The following HLA-DPA1 variants were observed in gnomAD, a reference collection of about 807,000 sequenced individuals.
The protein encoded by HLA-DPA1 is major histocompatibility complex, class II, DP alpha 1, also known as HLA class II histocompatibility antigen, DP alpha 1 chain.
HLA-DPA1 carries 20 observed loss-of-function variants against 21.5 expected under a neutral mutation model. The observed-to-expected ratio is 0.93, with a 90% CI of 0.66 to 1.35. HLA-DPA1 has a LOEUF of 1.35. HLA-DPA1 is among the 40% of genes most tolerant of loss of function. The pLI is 0.00. For synonymous variants in HLA-DPA1, 123 were observed against 129.6 expected (o/e 0.95, Z 0.35); for missense variants, 279 against 323.0 (o/e 0.86, Z 1.05).
chr6:33,069,158 G>A (rs763519010), exon 4 of HLA-DPA1: 78 of 1,612,888 alleles, frequency 4.8e-5, no homozygotes, highest in Non-Finnish European at 6.4e-5. Flanking sequence ...GGCTCTCAGC[G>A]ACACCCTCAG....
At chr6:33,073,783 G>T (rs1310041399) in intron 1 of HLA-DPA1, 134 bp from the exon 1 acceptor site, 2 of 527,180 alleles carry the variant, frequency 3.8e-6, no homozygotes, top group Non-Finnish European at 6.7e-6. Flanking sequence ...CTGGGGAAGA[G>T]ATGGGAGAAT....
intron 5 of HLA-DPA1, chr6:33,065,589 A>G (rs572969732): frequency 2.0e-5 from 3 of 152,358 alleles, no homozygotes; most frequent in African/African-American, 7.2e-5. Flanking sequence ...GCCATCCCAC[A>G]TGCTTCATGT....
intron 5 of HLA-DPA1, chr6:33,067,153 A>G (rs72867701): frequency 0.29 from 43,864 of 151,920 alleles, 8,351 homozygotes; most frequent in East Asian, 0.69. Context: ...GAGAACCAGG[A>G]ATGATCCAGG....
chr6:33,075,903 C>A (rs889141604), intron 1 of HLA-DPA1: 1 of 640,494 alleles, frequency 1.6e-6, no homozygotes, highest in African/African-American at 1.8e-5. Flanking sequence ...TGGTTCTTTT[C>A]TCAGACTCTG....
At position 33,080,306 on chromosome 6, in the gene HLA-DPA1, C is replaced by T. The variant is rs990433552; in HGVS notation, c.-100+374G>A. 24 of 433,672 alleles carry T rather than the reference C, an allele frequency of 5.5e-5. No individual in the cohort carries two copies. The highest frequency in any genetic ancestry group is 4.7e-4 in the African/African-American group (23 of 49,240). The allele number at this position is 433,672 out of a possible 1,614,324, so 26.9% of individuals were successfully genotyped here. A position where few individuals can be genotyped will look rare whatever the true frequency, so the allele number is the denominator to read the frequency against. On this transcript the variant is annotated intron_variant, in intron 1 of 5. Coordinates refer to ENST00000419277, the Ensembl canonical transcript of HLA-DPA1. This position sits in a 1 kb window ranked among gnomAD's most constrained non-coding sequence, Gnocchi z 4.3. ...TAAGTAGGGGGAGCAGCTCCGCCCT[C>T]CACGTCCCCAGCTCCTCCCGCCCCT...
At chr6:33,076,847 C>T (rs1391807439) in intron 1 of HLA-DPA1, among the ~76,000 whole-genome samples, 1 of 152,060 alleles carries the variant, frequency 6.6e-6, no homozygotes, top group Non-Finnish European at 1.5e-5. Flanking sequence ...TTCCTGCTGC[C>T]TCCCTGTGGC....
intron 3 of HLA-DPA1, 139 bp downstream of exon 2, chr6:33,069,502 A>G (rs34562515): frequency 0.19 from 220,510 of 1,154,644 alleles, 30,614 homozygotes; most frequent in East Asian, 0.63. Context: ...CCCTTGCTGT[A>G]GTGGGATCAG....
At chr6:33,079,450 C>T (rs1015005188) in intron 1 of HLA-DPA1, 1 of 244,114 alleles carries the variant, frequency 4.1e-6, no homozygotes, top group African/African-American at 2.3e-5. Context: ...TCCTCCACAT[C>T]ATGGCCTCCC....
intron 1 of HLA-DPA1, among the ~76,000 whole-genome samples, chr6:33,076,874 C>A (rs887399574): frequency 6.6e-6 from 1 of 152,050 alleles, no homozygotes; most frequent in Non-Finnish European, 1.5e-5. Flanking sequence ...AATATTATGG[C>A]ATCTATGATC....
chr6:33,068,611 C>T (rs68071176), intron 5 of HLA-DPA1, 27 bp downstream of exon 4: 316,139 of 1,547,900 alleles, frequency 0.2, 43,322 homozygotes, highest in East Asian at 0.64. Context: ...TTCTACAAAT[C>T]CTAGGGCCTC....
At position 33,069,463 on chromosome 6, in the gene HLA-DPA1, T is replaced by C. The variant is rs1359728977; in HGVS notation, c.347-163A>G. ...CTGACCAGCCTCACTCTGCTCACCT[T>C]TCTCTCTCCTGAGAAGAGAGGATGC... On this transcript the variant is annotated intron_variant, in intron 3 of 5. Transcript: ENST00000419277. 2.9e-6 allele frequency: 3 copies of C among 1,029,166 alleles called. No homozygotes were observed. The East Asian group carries it at 7.4e-5, about 25-fold the overall frequency. The allele number at this position is 1,029,166 out of a possible 1,614,324, so 63.8% of individuals were successfully genotyped here. A position where few individuals can be genotyped will look rare whatever the true frequency, so the allele number is the denominator to read the frequency against.
intron 1 of HLA-DPA1, among the ~76,000 whole-genome samples, chr6:33,076,592 G>A (rs1018191491): frequency 2.6e-5 from 4 of 152,162 alleles, no homozygotes; most frequent in African/African-American, 9.7e-5. Flanking sequence ...TATTCCCCAG[G>A]GTGGAGCAGG....
At chr6:33,068,205 G>A (rs3180556) in intron 5 of HLA-DPA1, 44,167 of 154,966 alleles carry the variant, frequency 0.29, 8,408 homozygotes, top group East Asian at 0.69. Flanking sequence ...CCATTATTTG[G>A]CAATGGACTC....
exon 3 of HLA-DPA1, chr6:33,069,722 C>A: frequency 6.2e-7 from 1 of 1,612,808 alleles, no homozygotes; most frequent in Non-Finnish European, 8.5e-7. Context: ...GCCAGCCCGC[C>A]CTGAGCCTCA....
intron 1 of HLA-DPA1, among the ~76,000 whole-genome samples, chr6:33,078,271 G>A (rs1322151646): frequency 2.0e-5 from 3 of 152,148 alleles, no homozygotes; most frequent in East Asian, 1.9e-4. Context: ...TAGATTACTG[G>A]AGCTCCCTGC....
At chr6:33,077,019 A>AT (rs1762571798) in intron 1 of HLA-DPA1, among the ~76,000 whole-genome samples, 2 of 151,298 alleles carry the variant, frequency 1.3e-5, no homozygotes, top group Non-Finnish European at 2.9e-5. Context: ...TGCTGCACCC[A>AT]TTAACTCGTC....
At chr6:33,068,201 T>C (rs1289992044) in intron 5 of HLA-DPA1, 1 of 147,274 alleles carries the variant, frequency 6.8e-6, no homozygotes, top group East Asian at 2.4e-4. Flanking sequence ...GACTCCATTA[T>C]TTGGCAATGG....
intron 2 of HLA-DPA1, among the ~76,000 whole-genome samples, chr6:33,072,012 A>C (rs1446194946): frequency 1.3e-5 from 2 of 152,204 alleles, no homozygotes; most frequent in Non-Finnish European, 2.9e-5. Context: ...GAAGAGTGCC[A>C]AAAATCAGAA....
At chr6:33,068,950 G>C (rs1472184725) in intron 4 of HLA-DPA1, 69 bp downstream of exon 3, 27 of 1,569,292 alleles carry the variant, frequency 1.7e-5, no homozygotes, top group Non-Finnish European at 9.6e-6. Flanking sequence ...CGGAAAGCTG[G>C]TGCAGAGGAC....
Sources: allele counts gnomAD v4.1 joint callset (sites outside exome capture counted in the v4.1 genomes callset), GRCh38; gene constraint gnomAD v4.1.1; non-coding constraint Gnocchi (gnomAD v3.1); transcripts MANE v1.5; gene names NCBI Gene and HGNC (gene_info 2026-07-23, HGNC 2026-07-21).